The following TMPRSS7 variants were observed in gnomAD, a reference collection of about 807,000 sequenced individuals.
TMPRSS7 encodes the protein transmembrane serine protease 7.
In TMPRSS7, 81 loss-of-function variants were observed where a neutral mutation model predicts 95.6. The observed-to-expected ratio is 0.85, with a 90% CI of 0.71 to 1.02. The LOEUF is 1.02. Among genes scored for constraint, TMPRSS7 ranks in the 50% least tolerant of loss-of-function variants. TMPRSS7 has a pLI of 0.00. For synonymous variants in TMPRSS7, 364 were observed against 337.8 expected (o/e 1.08, Z -0.85); for missense variants, 945 against 955.2 (o/e 0.99, Z 0.14).
chr3:112,060,159 G>A (rs1429940069), intron 10 of TMPRSS7, among the ~76,000 whole-genome samples: 1 of 152,192 alleles, frequency 6.6e-6, no homozygotes, highest in African/African-American at 2.4e-5. Flanking sequence ...CGAATAGGGT[G>A]TGGGTCACAG....
intron 1 of TMPRSS7, 112 bp from the exon 2 acceptor site, chr3:112,037,960 C>T (rs1027978844): frequency 1.6e-6 from 1 of 613,390 alleles, no homozygotes; most frequent in Non-Finnish European, 2.9e-6. Flanking sequence ...AATATGAATG[C>T]TTAAATAGTC....
At chr3:112,044,231 G>A in intron 3 of TMPRSS7, 24 bp from the exon 4 acceptor site, 2 of 1,501,278 alleles carry the variant, frequency 1.3e-6, no homozygotes, top group Non-Finnish European at 1.8e-6. Flanking sequence ...AAATACTTCA[G>A]ATACCTCAAC....
chr3:112,038,376 A>G, intron 2 of TMPRSS7, 55 bp downstream of exon 2: 1 of 671,006 alleles, frequency 1.5e-6, no homozygotes, highest in Admixed American at 2.2e-5. Flanking sequence ...TGAGTCCAGC[A>G]TTAGCAATGC....
At chr3:112,071,802 C>A (rs1414293949) in intron 13 of TMPRSS7, among the ~76,000 whole-genome samples, 1 of 152,314 alleles carries the variant, frequency 6.6e-6, no homozygotes, top group East Asian at 1.9e-4. Flanking sequence ...TCCATCAGGT[C>A]ATTTAAGGTC....
intron 6 of TMPRSS7, 134 bp from the exon 7 acceptor site, chr3:112,047,605 G>A: frequency 4.4e-6 from 3 of 684,192 alleles, no homozygotes; most frequent in South Asian, 3.5e-5. Context: ...AGAAGGCAGG[G>A]AAGTGGACCT....
chr3:112,044,152 T>C, intron 3 of TMPRSS7, 103 bp from the exon 4 acceptor site: 4 of 758,910 alleles, frequency 5.3e-6, no homozygotes, highest in Non-Finnish European at 8.9e-6. Context: ...GAGGCTTGCA[T>C]TTCTTCTTGC....
intron 17 of TMPRSS7, 139 bp from the exon 18 acceptor site, chr3:112,080,774 CT>C: frequency 1.4e-6 from 1 of 717,938 alleles, no homozygotes; most frequent in Non-Finnish European, 2.1e-6. Context: ...GTTTTTCACA[CT>C]TCCCAAATTA....
intron 2 of TMPRSS7, among the ~76,000 whole-genome samples, chr3:112,040,326 G>A (rs1446835404): frequency 6.6e-6 from 1 of 152,202 alleles, no homozygotes; most frequent in Non-Finnish European, 1.5e-5. Flanking sequence ...CAGTGCTAGA[G>A]AGAAGGTGTG....
exon 9 of TMPRSS7, chr3:112,050,712 G>A: frequency 6.2e-7 from 1 of 1,604,988 alleles, no homozygotes; most frequent in Non-Finnish European, 8.5e-7. Flanking sequence ...CACTGGCTTT[G>A]AAGGGAAAAT....
chr3:112,059,423 T>A (rs1385013101), intron 10 of TMPRSS7, among the ~76,000 whole-genome samples: 1 of 152,196 alleles, frequency 6.6e-6, no homozygotes, highest in East Asian at 1.9e-4. Context: ...ACTCTCCCCC[T>A]TTAAACTCCA....
chr3:112,044,239 A>G lies in TMPRSS7; in HGVS notation c.430-16A>G, dbSNP rs1327424191. ...AAGTATGAAATACTTCAGATACCTC[A>G]ACTATTCTTTTTCAGATAAACCTGG... is the stretch of plus-strand genomic sequence containing the variant. On this transcript the variant is annotated splice_polypyrimidine_tract_variant and intron_variant, in intron 3 of 17. Coordinates refer to ENST00000452346, the Ensembl canonical transcript of TMPRSS7. 1 of 1,529,958 alleles carries G rather than the reference A, an allele frequency of 6.5e-7. No homozygotes were observed. The highest frequency in any genetic ancestry group is 1.2e-5 in the South Asian group (1 of 83,590). The allele number at this position is 1,529,958 out of a possible 1,614,324, so 94.8% of individuals were successfully genotyped here.
chr3:112,079,547 G>C (rs1001342923), intron 17 of TMPRSS7, among the ~76,000 whole-genome samples: 1 of 151,972 alleles, frequency 6.6e-6, no homozygotes, highest in Non-Finnish European at 1.5e-5. Context: ...ATTTTTTTTA[G>C]CTCATTAGTT....
At chr3:112,076,753 C>A in intron 15 of TMPRSS7, 123 bp from the exon 16 acceptor site, 1 of 1,169,826 alleles carries the variant, frequency 8.5e-7, no homozygotes, top group Non-Finnish European at 1.2e-6. Context: ...AAGCCAGTGA[C>A]TATAATAACA....
Position 112,061,883 on chromosome 3 carries a change from G to A in TMPRSS7, c.1407G>A (p.Lys469=), listed in dbSNP as rs772237307. Residue 469 remains lysine (K), a synonymous_variant, in exon 11 of 18, where the codon AAG becomes AAA. Coordinates refer to ENST00000452346, the Ensembl canonical transcript of TMPRSS7. ...AGTGCAGTTCAAGGCTTTCAGACAAGCCACTTTTGGCAGAATATGGCAGTT... is the reference window on the plus strand; with the variant it reads ...AGTGCAGTTCAAGGCTTTCAGACAAACCACTTTTGGCAGAATATGGCAGTT... 5.6e-6 allele frequency: 9 copies of A among 1,611,622 alleles called. No individual in the cohort carries two copies. In the South Asian group the frequency reaches 7.7e-5, roughly 14 times the overall value.
intron 1 of TMPRSS7, 77 bp downstream of exon 1, chr3:112,034,970 G>T: frequency 1.4e-6 from 1 of 692,726 alleles, no homozygotes; most frequent in South Asian, 1.5e-5. Context: ...GAGATTGTAT[G>T]ACCTTATAAA....
At position 112,066,573 on chromosome 3, in the gene TMPRSS7, TGATGGGTTA is replaced by T. The variant is rs373933820; in HGVS notation, c.1666+73_1666+81del. 250 of 1,423,164 alleles carry T rather than the reference TGATGGGTTA, an allele frequency of 1.8e-4. No homozygotes were observed. In the African/African-American group the frequency reaches 3.3e-3, roughly 19 times the overall value. 88.2% of individuals were successfully genotyped at this position (1,423,164 alleles called of 1,614,324 possible). A position where few individuals can be genotyped will look rare whatever the true frequency, so the allele number is the denominator to read the frequency against. On this transcript the variant is annotated intron_variant, in intron 13 of 17. Coordinates refer to ENST00000452346, the Ensembl canonical transcript of TMPRSS7. ...TTCTAAATCAGGACAAAAATACCTC[TGATGGGTTA>T]GGGGTTAGGGCAATCAACTTGTCCC...
exon 4 of TMPRSS7, chr3:112,044,321 A>G: frequency 6.4e-7 from 1 of 1,550,618 alleles, no homozygotes; most frequent in Non-Finnish European, 8.7e-7. Flanking sequence ...TGCAGATGTC[A>G]GGTAATGCAT....
At chr3:112,040,690 C>A (rs1391019991) in intron 2 of TMPRSS7, among the ~76,000 whole-genome samples, 2 of 152,200 alleles carry the variant, frequency 1.3e-5, no homozygotes, top group Admixed American at 6.5e-5. Flanking sequence ...TTAGAACATC[C>A]TTGTGCAGAT....
chr3:112,054,523 G>A (rs74418845), intron 9 of TMPRSS7, among the ~76,000 whole-genome samples: 2,896 of 152,218 alleles, frequency 0.019, 80 homozygotes, highest in African/African-American at 0.065. Flanking sequence ...AGTGGAATCA[G>A]TGTGCAAGGG....
Sources: allele counts gnomAD v4.1 joint callset (sites outside exome capture counted in the v4.1 genomes callset), GRCh38; gene constraint gnomAD v4.1.1; transcripts MANE v1.5; gene names NCBI Gene and HGNC (gene_info 2026-07-23, HGNC 2026-07-21).